SGIP1: variants seen among roughly 807,000 people sequenced by gnomAD.
SGIP1 encodes SH3-containing GRB2-like protein 3-interacting protein 1.
A neutral mutation model predicts 107.5 loss-of-function variants in SGIP1; 38 were observed. The ratio of observed to expected loss-of-function variants is 0.35; its 90% CI spans 0.27 to 0.46. The LOEUF (loss-of-function observed/expected upper bound fraction) is 0.46, where lower values mean the gene tolerates loss of function less well. SGIP1 is among the 20% of genes least tolerant of loss of function. SGIP1 has a pLI of 1.00. For missense variants in SGIP1, 929 were observed against 1,019.5 expected (o/e 0.91, Z 1.21); for synonymous variants, 365 against 366.1 (o/e 1.00, Z 0.03).
chr1:66,631,090 AG>A (rs1335026547), intron 2 of SGIP1, among the ~76,000 whole-genome samples: 21 of 143,630 alleles, frequency 1.5e-4, no homozygotes, highest in East Asian at 9.5e-4. Context: ...AAAGAAAGAA[AG>A]AAAGAAAGAA....
At chr1:66,658,513 C>A (rs2080238374) in intron 7 of SGIP1, among the ~76,000 whole-genome samples, 1 of 152,090 alleles carries the variant, frequency 6.6e-6, no homozygotes, top group African/African-American at 2.4e-5. Flanking sequence ...TTATTTCAGA[C>A]AACAATTTAT....
intron 1 of SGIP1, among the ~76,000 whole-genome samples, chr1:66,535,083 G>A (rs755221672): frequency 2.0e-5 from 3 of 152,080 alleles, no homozygotes; most frequent in Admixed American, 6.5e-5. Context: ...TGATCTTTTC[G>A]CATATTCAAT....
At chr1:66,615,202 T>G (rs1182935890) in intron 1 of SGIP1, among the ~76,000 whole-genome samples, 1 of 152,062 alleles carries the variant, frequency 6.6e-6, no homozygotes, top group African/African-American at 2.4e-5. Context: ...TGCTATGAAC[T>G]TGGCTCACTG....
At chr1:66,573,592 G>T (rs2060676391) in intron 1 of SGIP1, among the ~76,000 whole-genome samples, 1 of 152,152 alleles carries the variant, frequency 6.6e-6, no homozygotes. Context: ...AAAAGAAAGA[G>T]ATCATGTCCT....
rs992869739 is a variant in SGIP1 at position 66,747,685 on chromosome 1, C to T, written c.*4590C>T. 7.9e-5 allele frequency: 12 copies of T among 151,888 alleles called. No individual in the cohort carries two copies. The highest frequency in any genetic ancestry group is 6.6e-4 in the Admixed American group (10 of 15,250). The allele number at this position is 151,888 out of a possible 1,614,324, so 9.4% of individuals were successfully genotyped here. On this transcript the variant is annotated 3_prime_UTR_variant, in exon 25 of 25. Coordinates refer to ENST00000371037, the MANE Select transcript of SGIP1 (RefSeq NM_032291.4). ...TGGTAGCCTCATTCTAAAAGAGTTG[C>T]ACGAATATTTTTTCTCAAAATAACC...
At chr1:66,711,989 A>G (rs1288841420) in intron 18 of SGIP1, among the ~76,000 whole-genome samples, 2 of 152,176 alleles carry the variant, frequency 1.3e-5, no homozygotes, top group Non-Finnish European at 2.9e-5. Context: ...AAGCACAGTC[A>G]AGACTGAAGC....
intron 2 of SGIP1, among the ~76,000 whole-genome samples, chr1:66,632,207 G>A (rs2074909550): frequency 6.6e-6 from 1 of 152,176 alleles, no homozygotes; most frequent in African/African-American, 2.4e-5. Flanking sequence ...AAGTGTTCAA[G>A]GTCATAGAAC....
At chr1:66,688,004 C>G (rs2088862294) in intron 15 of SGIP1, among the ~76,000 whole-genome samples, 1 of 152,108 alleles carries the variant, frequency 6.6e-6, no homozygotes, top group Non-Finnish European at 1.5e-5. Flanking sequence ...TTTTGCTGCT[C>G]AACTTCAAAG....
At chr1:66,740,611 C>G (rs757166865) in intron 22 of SGIP1, 47 bp from the exon 23 acceptor site, 3 of 1,296,892 alleles carry the variant, frequency 2.3e-6, no homozygotes, top group Non-Finnish European at 3.3e-6. Context: ...ATCCAGTAAA[C>G]AAAAACTCTT....
intron 1 of SGIP1, among the ~76,000 whole-genome samples, chr1:66,576,040 C>A (rs1046277605): frequency 6.6e-6 from 1 of 152,052 alleles, no homozygotes; most frequent in East Asian, 1.9e-4. Context: ...CCAAAGTGAG[C>A]CAATATTTAT....
intron 7 of SGIP1, among the ~76,000 whole-genome samples, chr1:66,646,106 G>A (rs2077612908): frequency 6.6e-6 from 1 of 152,090 alleles, no homozygotes. Context: ...TTCCCAAAGT[G>A]CTGGGATTAC....
intron 2 of SGIP1, among the ~76,000 whole-genome samples, chr1:66,630,306 C>A (rs2073982575): frequency 6.6e-6 from 1 of 152,198 alleles, no homozygotes. Flanking sequence ...ACACCACAGC[C>A]AGGCCAATCT....
chr1:66,632,216 AC>A (rs1360456639), intron 2 of SGIP1, among the ~76,000 whole-genome samples: 1 of 152,218 alleles, frequency 6.6e-6, no homozygotes, highest in African/African-American at 2.4e-5. Context: ...AGGTCATAGA[AC>A]TATTTGGACA....
At chr1:66,721,890 C>G (rs1331344504) in intron 19 of SGIP1, among the ~76,000 whole-genome samples, 1 of 152,144 alleles carries the variant, frequency 6.6e-6, no homozygotes, top group Non-Finnish European at 1.5e-5. Flanking sequence ...TTTTGCACCC[C>G]TACAAAGTCT....
At position 66,673,304 on chromosome 1, in the gene SGIP1, C is replaced by G. The variant is rs778155276; in HGVS notation, c.584C>G (p.Thr195Arg). 2 of 1,613,918 alleles carry G rather than the reference C, an allele frequency of 1.2e-6. No individual in the cohort carries two copies. Among genetic ancestry groups the G allele is most frequent in the Non-Finnish European group, 1.7e-6 (2 of 1,179,932 alleles). ...AGCAAAAAGCCTCCAGATGACACTA[C>G]GGCCCTTGCTCCTCTCTTTGGCCCA... is the stretch of plus-strand genomic sequence containing the variant. ...LISKKPPDDT[T>R]ALAPLFGPPL... is the part of the protein sequence containing the mutation. Residue 195 changes from threonine to arginine, a missense_variant, in exon 12 of 25, where the codon ACG becomes AGG. This residue lies in a region of SGIP1 where 588 missense variants were observed against 588.6 expected (regional missense o/e 1.00). Transcript: ENST00000371037.
chr1:66,673,452 G>A, intron 12 of SGIP1, 86 bp downstream of exon 12: 1 of 1,194,054 alleles, frequency 8.4e-7, no homozygotes, highest in Non-Finnish European at 1.1e-6. Flanking sequence ...TGTATTTTGA[G>A]GTATATTTTT....
Position 66,749,196 on chromosome 1 carries a change from A to G in SGIP1, c.*6101A>G, listed in dbSNP as rs1247772217. ...GGCTTGCACCTATGACCAGCATATCAGACCCCTATCTGTTGAAGATGTTTC... is the reference window on the plus strand; with the variant it reads ...GGCTTGCACCTATGACCAGCATATCGGACCCCTATCTGTTGAAGATGTTTC... On this transcript the variant is annotated 3_prime_UTR_variant, in exon 25 of 25. Coordinates refer to ENST00000371037, the MANE Select transcript of SGIP1 (RefSeq NM_032291.4). Among the ~76,000 whole-genome samples, 1 of 152,052 alleles carries G rather than the reference A, an allele frequency of 6.6e-6. No individual in the cohort carries two copies. The highest frequency in any genetic ancestry group is 1.5e-5 in the Non-Finnish European group (1 of 67,912).
intron 1 of SGIP1, among the ~76,000 whole-genome samples, chr1:66,623,200 A>C (rs1286408556): frequency 6.6e-6 from 1 of 151,956 alleles, no homozygotes; most frequent in African/African-American, 2.4e-5. Flanking sequence ...TTTTCTTCAT[A>C]TTTTTTGTAA....
intron 18 of SGIP1, among the ~76,000 whole-genome samples, chr1:66,714,858 G>A (rs934210824): frequency 3.9e-5 from 6 of 151,980 alleles, no homozygotes; most frequent in Non-Finnish European, 8.8e-5. Context: ...GCCCCTCTTA[G>A]TCTTCTTAGG....
Sources: allele counts gnomAD v4.1 joint callset (sites outside exome capture counted in the v4.1 genomes callset), GRCh38; gene constraint gnomAD v4.1.1; regional missense constraint gnomAD v4.1.1; transcripts MANE v1.5; gene names NCBI Gene and HGNC (gene_info 2026-07-23, HGNC 2026-07-21).